PHF24: variants seen among roughly 807,000 people sequenced by gnomAD.
PHF24 encodes Galpha inhibitory interacting protein.
In PHF24, 25 loss-of-function variants were observed where a neutral mutation model predicts 42.6. The observed-to-expected ratio is 0.59, with a 90% CI of 0.43 to 0.82. PHF24 has a LOEUF of 0.82. Among genes scored for constraint, PHF24 ranks in the 40% least tolerant of loss-of-function variants. The probability of loss-of-function intolerance (pLI) is 0.00; values close to 1 mark genes in which losing one functional copy is unlikely to be tolerated. For synonymous variants in PHF24, 185 were observed against 204.8 expected (o/e 0.90, Z 0.83); for missense variants, 470 against 538.1 (o/e 0.87, Z 1.25).
the PHF24 span, among the ~76,000 whole-genome samples, chr9:34,868,068 C>T: frequency 1.3e-5 from 2 of 152,226 alleles, no homozygotes; most frequent in South Asian, 4.2e-4. Flanking sequence ...TGTAGCTCTC[C>T]TCTGTGATCA....
the PHF24 span, among the ~76,000 whole-genome samples, chr9:34,906,635 C>A: frequency 7.5e-6 from 1 of 133,244 alleles, no homozygotes. Flanking sequence ...TGGAATGAGA[C>A]TCCATCTCAA....
At chr9:34,913,980 A>G in the PHF24 span, among the ~76,000 whole-genome samples, 1 of 151,942 alleles carries the variant, frequency 6.6e-6, no homozygotes, top group Admixed American at 6.5e-5. Flanking sequence ...CCACTTTCAG[A>G]GGTAGCTGCC....
intron 1 of PHF24, among the ~76,000 whole-genome samples, chr9:34,968,810 G>A (rs777679364): frequency 3.3e-5 from 5 of 152,240 alleles, no homozygotes; most frequent in Non-Finnish European, 7.3e-5. Context: ...TTGCTAGGCA[G>A]TGGAGATAAG....
At chr9:34,706,868 G>C in the PHF24 span, among the ~76,000 whole-genome samples, 9,789 of 152,052 alleles carry the variant, frequency 0.064, 702 homozygotes, top group African/African-American at 0.17. Flanking sequence ...GCTCACACCT[G>C]TAATCCCAGC....
chr9:34,981,548 A>G (rs1252017217), exon 8 of PHF24: 2 of 152,190 alleles, frequency 1.3e-5, no homozygotes, highest in Non-Finnish European at 2.9e-5. Flanking sequence ...AGAAACTTCA[A>G]GCAGGACTGA....
At chr9:34,680,495 T>C in the PHF24 span, among the ~76,000 whole-genome samples, 5 of 151,532 alleles carry the variant, frequency 3.3e-5, no homozygotes, top group African/African-American at 1.2e-4. Context: ...GAGACCATCC[T>C]GGCTAAAACG....
the PHF24 span, among the ~76,000 whole-genome samples, chr9:34,865,350 G>C: frequency 2.1e-5 from 3 of 143,754 alleles, no homozygotes; most frequent in Admixed American, 2.1e-4. Flanking sequence ...GATCACCTGA[G>C]GTCAGGAGTT....
At chr9:34,701,126 C>G in the PHF24 span, among the ~76,000 whole-genome samples, 1 of 152,198 alleles carries the variant, frequency 6.6e-6, no homozygotes, top group East Asian at 1.9e-4. This position sits in a 1 kb window ranked among gnomAD's most constrained non-coding sequence, Gnocchi z 5.8. Flanking sequence ...ACCCATTCAG[C>G]CCAGCCTAGC....
the PHF24 span, among the ~76,000 whole-genome samples, chr9:34,696,428 C>T: frequency 4.9e-5 from 7 of 142,636 alleles, no homozygotes; most frequent in African/African-American, 1.6e-4. Flanking sequence ...ACAGAAGTTG[C>T]GGTGTGCAGA....
chr9:34,697,229 G>A, the PHF24 span, among the ~76,000 whole-genome samples: 256 of 152,334 alleles, frequency 1.7e-3, no homozygotes, highest in Non-Finnish European at 2.3e-3. Flanking sequence ...AAACTTTAAT[G>A]TGTGCATGAT....
the PHF24 span, among the ~76,000 whole-genome samples, chr9:34,907,059 T>C: frequency 6.6e-6 from 1 of 152,164 alleles, no homozygotes; most frequent in Non-Finnish European, 1.5e-5. Flanking sequence ...ACTCCTGGCC[T>C]CAAGGGATCC....
chr9:34,799,555 T>A, the PHF24 span, among the ~76,000 whole-genome samples: 1 of 152,214 alleles, frequency 6.6e-6, no homozygotes, highest in Admixed American at 6.5e-5. Context: ...CATACTTTGA[T>A]ACCTTTGTGG....
chr9:34,835,884 T>G, the PHF24 span: 29 of 1,012,180 alleles, frequency 2.9e-5, no homozygotes, highest in Non-Finnish European at 4.1e-5. Flanking sequence ...ACAAGATCTC[T>G]AGGCAAGAGG....
At chr9:34,893,114 A>G in the PHF24 span, 1 of 857,956 alleles carries the variant, frequency 1.2e-6, no homozygotes, top group Non-Finnish European at 1.7e-6. Context: ...TGCACACAGG[A>G]TTCGCCGCAC....
the PHF24 span, among the ~76,000 whole-genome samples, chr9:34,777,584 A>G: frequency 6.6e-6 from 1 of 152,234 alleles, no homozygotes; most frequent in East Asian, 1.9e-4. Context: ...TCACATTTCA[A>G]TTCTGGTGGT....
the PHF24 span, among the ~76,000 whole-genome samples, chr9:34,737,957 C>CTT: frequency 1.4e-5 from 2 of 144,518 alleles, no homozygotes; most frequent in African/African-American, 5.0e-5. Flanking sequence ...TTTTGTCTAG[C>CTT]TTTTTTTTTT....
At chr9:34,760,903 G>T in the PHF24 span, among the ~76,000 whole-genome samples, 2 of 151,892 alleles carry the variant, frequency 1.3e-5, no homozygotes, top group African/African-American at 4.8e-5. Flanking sequence ...GAGGTGGGAG[G>T]ATTGCTTCAG....
the PHF24 span, among the ~76,000 whole-genome samples, chr9:34,740,465 A>G: frequency 6.6e-6 from 1 of 152,218 alleles, no homozygotes; most frequent in African/African-American, 2.4e-5. Flanking sequence ...CACCCTCCAC[A>G]GCCGCTGGCC....
At chr9:34,975,695 A>G (rs988442322) in intron 3 of PHF24, among the ~76,000 whole-genome samples, 2 of 151,546 alleles carry the variant, frequency 1.3e-5, no homozygotes, top group African/African-American at 4.9e-5. Flanking sequence ...CTAGGATTAA[A>G]CTTTTTTTTT....
Sources: gnomAD v4.1 joint callset for allele counts (sites outside exome capture counted in the v4.1 genomes callset) on GRCh38, gnomAD v4.1.1 for gene constraint, Gnocchi (gnomAD v3.1) non-coding constraint, MANE v1.5 for transcripts, NCBI Gene and HGNC (gene_info 2026-07-23, HGNC 2026-07-21) for gene names.